MYRIP: variants seen among roughly 807,000 people sequenced by gnomAD.
MYRIP encodes the protein rab effector MyRIP.
In MYRIP, 49 loss-of-function variants were observed where a neutral mutation model predicts 98.0. The observed-to-expected ratio is 0.50, with a 90% CI of 0.40 to 0.63. The LOEUF (loss-of-function observed/expected upper bound fraction) is 0.63, where lower values mean the gene tolerates loss of function less well. Among genes scored for constraint, MYRIP ranks in the 30% least tolerant of loss-of-function variants. The pLI is 0.00. For synonymous variants in MYRIP, 404 were observed against 409.5 expected, an observed-to-expected ratio of 0.99 and a Z score of 0.16; for missense variants, 1,004 against 1,058.2, an observed-to-expected ratio of 0.95 and a Z score of 0.71.
At chr3:40,241,363 C>T (rs1231553269) in intron 12 of MYRIP, among the ~76,000 whole-genome samples, 1 of 152,172 alleles carries the variant, frequency 6.6e-6, no homozygotes, top group African/African-American at 2.4e-5. Flanking sequence ...ACCCTTACAG[C>T]ACTAAAGAGG....
intron 3 of MYRIP, among the ~76,000 whole-genome samples, chr3:40,074,837 T>C (rs1948309574): frequency 6.6e-6 from 1 of 152,194 alleles, no homozygotes; most frequent in South Asian, 2.1e-4. Context: ...AGAAGATACG[T>C]AGATGTCAAA....
chr3:40,193,867 T>C (rs1951312646), intron 10 of MYRIP, among the ~76,000 whole-genome samples: 1 of 138,832 alleles, frequency 7.2e-6, no homozygotes, highest in Non-Finnish European at 1.6e-5. Context: ...CCCGCTAGCC[T>C]TGATATGCAA....
chr3:40,218,600 T>C (rs62261834), intron 11 of MYRIP, among the ~76,000 whole-genome samples: 115,339 of 126,714 alleles, frequency 0.91, 52,177 homozygotes, highest in Non-Finnish European at 0.95. Context: ...CACACACACA[T>C]ATATATATAT....
At chr3:39,812,265 T>G (rs973173472) in intron 1 of MYRIP, among the ~76,000 whole-genome samples, 2 of 152,244 alleles carry the variant, frequency 1.3e-5, no homozygotes, top group African/African-American at 4.8e-5. Flanking sequence ...TTATTTTTAT[T>G]ACTATTGTTA....
At chr3:39,962,518 C>A (rs1334957872) in intron 2 of MYRIP, among the ~76,000 whole-genome samples, 1 of 151,546 alleles carries the variant, frequency 6.6e-6, no homozygotes, top group Non-Finnish European at 1.5e-5. Context: ...AGTTCATTCT[C>A]ATGTGAAAAT....
intron 2 of MYRIP, among the ~76,000 whole-genome samples, chr3:40,040,403 T>A (rs1559376239): frequency 8.4e-6 from 1 of 119,086 alleles, no homozygotes; most frequent in Non-Finnish European, 1.7e-5. Flanking sequence ...AGTTCAACCA[T>A]TGTGGAAGTC....
chr3:39,918,954 T>A (rs950772812), intron 2 of MYRIP, among the ~76,000 whole-genome samples: 1 of 152,174 alleles, frequency 6.6e-6, no homozygotes, highest in Non-Finnish European at 1.5e-5. Context: ...TTCTTAGACT[T>A]GGACAAGGGA....
In MYRIP at chr3:39,885,889, T is replaced by C. The variant is rs536688283; in HGVS notation, c.-30-14898T>C. On this transcript the variant is annotated intron_variant, in intron 1 of 16. Transcript: ENST00000302541. ...TTCTCTGTGTTGGTTATTCTAGTTA[T>C]ACATTCTTCTAAATTTTTTTCAAAG... Among the ~76,000 whole-genome samples, 877 of 151,264 alleles carry C rather than the reference T, an allele frequency of 5.8e-3. 6 individuals are homozygous for C. Among genetic ancestry groups the C allele is most frequent in the African/African-American group, 0.02 (817 of 40,642 alleles).
intron 1 of MYRIP, among the ~76,000 whole-genome samples, chr3:39,836,596 C>A (rs927218584): frequency 2.0e-5 from 3 of 152,120 alleles, no homozygotes; most frequent in Non-Finnish European, 4.4e-5. Context: ...CCCTTGCAGA[C>A]CCCTGACCCG....
intron 2 of MYRIP, among the ~76,000 whole-genome samples, chr3:40,008,327 T>C (rs368840073): frequency 1.2e-4 from 18 of 152,388 alleles, no homozygotes; most frequent in African/African-American, 3.8e-4. Flanking sequence ...TTATTCAGTA[T>C]GAATTTAAAG....
At chr3:40,031,992 G>A (rs533597512) in intron 2 of MYRIP, among the ~76,000 whole-genome samples, 11 of 152,128 alleles carry the variant, frequency 7.2e-5, no homozygotes, top group African/African-American at 2.7e-4. Flanking sequence ...ATTTCCTTCA[G>A]TTCTGCTCTG....
chr3:40,162,405 T>A (rs1464586542), intron 4 of MYRIP, among the ~76,000 whole-genome samples: 2 of 152,162 alleles, frequency 1.3e-5, no homozygotes, highest in Non-Finnish European at 2.9e-5. Context: ...CAACTAGTAA[T>A]TTGCAGGTCC....
intron 11 of MYRIP, among the ~76,000 whole-genome samples, chr3:40,211,792 A>T (rs1951936552): frequency 1.3e-5 from 2 of 150,572 alleles, no homozygotes; most frequent in Non-Finnish European, 3.0e-5. Flanking sequence ...CTCACCCTTC[A>T]TCATTCTGCA....
At chr3:39,889,931 A>C (rs970356028) in intron 1 of MYRIP, among the ~76,000 whole-genome samples, 20 of 152,150 alleles carry the variant, frequency 1.3e-4, no homozygotes, top group Non-Finnish European at 2.5e-4. Context: ...CACCAGGATA[A>C]TTCCAAAACT....
chr3:39,813,835 C>T (rs1191525658), intron 1 of MYRIP, among the ~76,000 whole-genome samples: 2 of 152,212 alleles, frequency 1.3e-5, no homozygotes, highest in South Asian at 4.1e-4. Flanking sequence ...CTCAGCGTGC[C>T]TACTAGAGTG....
chr3:39,973,974 C>T (rs1945672646), intron 2 of MYRIP, among the ~76,000 whole-genome samples: 1 of 152,066 alleles, frequency 6.6e-6, no homozygotes, highest in Non-Finnish European at 1.5e-5. Flanking sequence ...GACACCCTAA[C>T]ATCACAATTA....
At chr3:40,006,316 G>T (rs565375153) in intron 2 of MYRIP, among the ~76,000 whole-genome samples, 1 of 152,310 alleles carries the variant, frequency 6.6e-6, no homozygotes, top group Admixed American at 6.5e-5. Context: ...GGAGGCTGTT[G>T]TGGCAGAGCT....
At chr3:40,005,691 C>A (rs1249291161) in intron 2 of MYRIP, among the ~76,000 whole-genome samples, 1 of 152,130 alleles carries the variant, frequency 6.6e-6, no homozygotes, top group Non-Finnish European at 1.5e-5. Context: ...TTTTAGCATG[C>A]CAGTTGTATT....
chr3:39,888,684 C>T (rs1236925192), intron 1 of MYRIP, among the ~76,000 whole-genome samples: 1 of 152,242 alleles, frequency 6.6e-6, no homozygotes, highest in Admixed American at 6.5e-5. Flanking sequence ...CAAATGGGAT[C>T]TAATTAAACT....
Sources: gnomAD v4.1 joint callset for allele counts (sites outside exome capture counted in the v4.1 genomes callset) on GRCh38, gnomAD v4.1.1 for gene constraint, MANE v1.5 for transcripts, NCBI Gene and HGNC (gene_info 2026-07-23, HGNC 2026-07-21) for gene names.